RANBP2: variants seen among roughly 807,000 people sequenced by gnomAD.
RANBP2 encodes the protein E3 SUMO-protein ligase RanBP2.
In RANBP2, 57 loss-of-function variants were observed where a neutral mutation model predicts 303.6. The observed-to-expected ratio is 0.19, with a 90% CI of 0.15 to 0.23. The LOEUF (loss-of-function observed/expected upper bound fraction) is 0.23, where lower values mean the gene tolerates loss of function less well. Among genes scored for constraint, RANBP2 ranks in the 10% least tolerant of loss-of-function variants. RANBP2 has a pLI of 1.00. For missense variants in RANBP2, 3,138 were observed against 3,780.8 expected, an observed-to-expected ratio of 0.83 and a Z score of 4.46; for synonymous variants, 1,167 against 1,301.5, an observed-to-expected ratio of 0.90 and a Z score of 2.23.
chr2:109,086,398 T>C, the RANBP2 span, among the ~76,000 whole-genome samples: 1 of 152,208 alleles, frequency 6.6e-6, no homozygotes, highest in African/African-American at 2.4e-5. Context: ...GAAGTCCTTT[T>C]CTATATATGA....
At chr2:109,512,224 G>A in the RANBP2 span, among the ~76,000 whole-genome samples, 1 of 152,018 alleles carries the variant, frequency 6.6e-6, no homozygotes, top group African/African-American at 2.4e-5. Context: ...TGGCCCCACT[G>A]TCCTTTGCTG....
chr2:108,764,251 C>CA lies in RANBP2; in HGVS notation c.3714dup (p.Val1239SerfsTer32). On this transcript the variant is annotated frameshift_variant, in exon 20 of 29. Transcript: ENST00000283195. LOFTEE classifies it high-confidence loss of function. ...AATTCGCCTTCTAATGAGACGAGAG[C>CA]AAGTATTGAAAATCTGTGCAAATCA... is the stretch of plus-strand genomic sequence containing the variant. 1 of 1,614,010 alleles carries CA rather than the reference C, an allele frequency of 6.2e-7. No homozygotes were observed. The highest frequency in any genetic ancestry group is 8.5e-7 in the Non-Finnish European group (1 of 1,179,984).
At chr2:109,292,219 C>T in the RANBP2 span, among the ~76,000 whole-genome samples, 17 of 152,164 alleles carry the variant, frequency 1.1e-4, no homozygotes, top group Non-Finnish European at 2.1e-4. Flanking sequence ...ATGTTCTCTA[C>T]AGAAAATTTG....
At chr2:109,618,192 T>A in the RANBP2 span, 2 of 166,944 alleles carry the variant, frequency 1.2e-5, no homozygotes. Flanking sequence ...TCCTGGAAGG[T>A]GAAAAGTAGT....
chr2:109,395,187 G>GT, the RANBP2 span, among the ~76,000 whole-genome samples: 2 of 152,284 alleles, frequency 1.3e-5, no homozygotes, highest in Non-Finnish European at 2.9e-5. Flanking sequence ...GCATGCCTGT[G>GT]TGAGTATGGC....
At chr2:108,835,733 C>G in the RANBP2 span, among the ~76,000 whole-genome samples, 1 of 152,152 alleles carries the variant, frequency 6.6e-6, no homozygotes, top group Non-Finnish European at 1.5e-5. Context: ...CAACAGCTCT[C>G]CAGAAATATT....
chr2:108,985,757 T>C, the RANBP2 span, among the ~76,000 whole-genome samples: 1 of 152,214 alleles, frequency 6.6e-6, no homozygotes, highest in African/African-American at 2.4e-5. Context: ...TAGGATTTGT[T>C]TGCTTATTGA....
chr2:109,046,907 C>G, the RANBP2 span, among the ~76,000 whole-genome samples: 1 of 152,074 alleles, frequency 6.6e-6, no homozygotes, highest in Admixed American at 6.5e-5. Context: ...CAACCCCTGC[C>G]GGCTGGGGAG....
At chr2:109,545,386 CCA>C in the RANBP2 span, 3 of 1,532,178 alleles carry the variant, frequency 2.0e-6, no homozygotes, top group Non-Finnish European at 2.6e-6. Context: ...AACACATACC[CCA>C]AACCTACACG....
At chr2:109,525,935 C>T in the RANBP2 span, among the ~76,000 whole-genome samples, 1 of 152,158 alleles carries the variant, frequency 6.6e-6, no homozygotes, top group Non-Finnish European at 1.5e-5. Context: ...ATTTTCCCAG[C>T]TCAGAAGCCT....
At chr2:109,663,010 C>A in the RANBP2 span, among the ~76,000 whole-genome samples, 22,975 of 152,164 alleles carry the variant, frequency 0.15, 2,208 homozygotes, top group South Asian at 0.21. Flanking sequence ...CATCTATGGA[C>A]CACACCTGAG....
chr2:108,869,313 C>A, the RANBP2 span, among the ~76,000 whole-genome samples: 1 of 152,220 alleles, frequency 6.6e-6, no homozygotes, highest in Non-Finnish European at 1.5e-5. Context: ...CCTACTCTAT[C>A]TCTGGCACAG....
the RANBP2 span, among the ~76,000 whole-genome samples, chr2:109,669,560 G>T: frequency 6.6e-6 from 1 of 152,158 alleles, no homozygotes; most frequent in Admixed American, 6.5e-5. Context: ...AAGACACATG[G>T]AACTACTGGA....
At chr2:108,727,775 G>C (rs556060517) in intron 1 of RANBP2, among the ~76,000 whole-genome samples, 4 of 152,016 alleles carry the variant, frequency 2.6e-5, no homozygotes, top group African/African-American at 9.6e-5. Flanking sequence ...GCTAATTTTT[G>C]TATTTTTAGT....
the RANBP2 span, chr2:109,371,514 C>T: frequency 7.7e-7 from 1 of 1,303,066 alleles, no homozygotes; most frequent in East Asian, 2.4e-5. Flanking sequence ...ACAGTACTAA[C>T]CAGTGTCTTG....
At chr2:108,866,050 G>A in the RANBP2 span, among the ~76,000 whole-genome samples, 1 of 152,162 alleles carries the variant, frequency 6.6e-6, no homozygotes, top group African/African-American at 2.4e-5. Flanking sequence ...TATGGTAGTA[G>A]GGTATCTGAA....
chr2:108,774,204 T>C (rs746885756), intron 23 of RANBP2, among the ~76,000 whole-genome samples: 24 of 152,342 alleles, frequency 1.6e-4, no homozygotes, highest in Non-Finnish European at 2.8e-4. Context: ...TTTTGTTATG[T>C]GGTTGCATTC....
the RANBP2 span, among the ~76,000 whole-genome samples, chr2:109,451,582 C>T: frequency 6.6e-6 from 1 of 152,260 alleles, no homozygotes; most frequent in Non-Finnish European, 1.5e-5. Context: ...TCCCCATCAC[C>T]CACCTAAGTG....
the RANBP2 span, among the ~76,000 whole-genome samples, chr2:109,764,608 G>A: frequency 2.7e-5 from 4 of 149,104 alleles, no homozygotes; most frequent in Non-Finnish European, 5.9e-5. Flanking sequence ...TTCAACACTG[G>A]TGATTCAGAA....
Sources: gnomAD v4.1 joint callset for allele counts (sites outside exome capture counted in the v4.1 genomes callset) on GRCh38, gnomAD v4.1.1 for gene constraint, MANE v1.5 for transcripts, NCBI Gene and HGNC (gene_info 2026-07-23, HGNC 2026-07-21) for gene names.